Variants in CNTN5 observed in about 807,000 individuals in gnomAD.
CNTN5 encodes contactin-5.
CNTN5 carries 77 observed loss-of-function variants against 129.1 expected under a neutral mutation model. The observed-to-expected ratio is 0.60, with a 90% CI of 0.50 to 0.72. The LOEUF (loss-of-function observed/expected upper bound fraction) is 0.72. Among genes scored for constraint, CNTN5 ranks in the 30% least tolerant of loss-of-function variants. The pLI is 0.00. For missense variants in CNTN5, 1,478 were observed against 1,328.8 expected (o/e 1.11, Z -1.75); for synonymous variants, 509 against 465.6 (o/e 1.09, Z -1.20).
At chr11:100,045,238 C>T (rs1942606082) in intron 9 of CNTN5, among the ~76,000 whole-genome samples, 2 of 151,906 alleles carry the variant, frequency 1.3e-5, no homozygotes, top group South Asian at 4.1e-4. Context: ...AGGCAGAAGC[C>T]AGGAAGTCAA....
intron 8 of CNTN5, among the ~76,000 whole-genome samples, chr11:99,981,077 G>GATATGTATATATATAT (rs1938302984): frequency 1.7e-5 from 1 of 57,592 alleles, no homozygotes. Context: ...GAGCCAATAG[G>GATATGTATATATATAT]ATATATATAT....
intron 13 of CNTN5, among the ~76,000 whole-genome samples, chr11:100,083,114 G>A (rs781273794): frequency 6.6e-6 from 1 of 151,966 alleles, no homozygotes; most frequent in Non-Finnish European, 1.5e-5. Context: ...TCAGGAGTTC[G>A]AGACCAGCCT....
chr11:100,293,093 A>G (rs925600368), intron 18 of CNTN5, among the ~76,000 whole-genome samples: 25 of 151,836 alleles, frequency 1.6e-4, no homozygotes, highest in African/African-American at 5.3e-4. Context: ...GGCTTTGTAT[A>G]TATTTCTTCT....
intron 1 of CNTN5, among the ~76,000 whole-genome samples, chr11:99,298,654 T>C (rs1364386873): frequency 6.6e-6 from 1 of 152,190 alleles, no homozygotes; most frequent in Non-Finnish European, 1.5e-5. Flanking sequence ...TCCAGTTTTC[T>C]GGCAGAGCAG....
chr11:99,342,839 A>G (rs1300628388), intron 2 of CNTN5, among the ~76,000 whole-genome samples: 1 of 152,148 alleles, frequency 6.6e-6, no homozygotes, highest in Non-Finnish European at 1.5e-5. Context: ...GATACAATTA[A>G]TTAGAACCAG....
At chr11:99,651,605 C>G (rs1208422473) in intron 3 of CNTN5, among the ~76,000 whole-genome samples, 1 of 151,872 alleles carries the variant, frequency 6.6e-6, no homozygotes, top group Admixed American at 6.6e-5. Context: ...TTTATCAAAT[C>G]TGTGTTTCAT....
chr11:99,569,637 T>C (rs1240243999), intron 3 of CNTN5, among the ~76,000 whole-genome samples: 2 of 152,164 alleles, frequency 1.3e-5, no homozygotes, highest in Non-Finnish European at 2.9e-5. Context: ...AATCCTTCTA[T>C]TGTGTGGCTT....
chr11:99,209,322 C>T (rs571083740), intron 1 of CNTN5, among the ~76,000 whole-genome samples: 1 of 152,176 alleles, frequency 6.6e-6, no homozygotes, highest in South Asian at 2.1e-4. Context: ...TCAGGCTGTA[C>T]AGGAAGCTTG....
chr11:99,782,758 GA>G (rs1454634543), intron 3 of CNTN5, among the ~76,000 whole-genome samples: 1 of 151,964 alleles, frequency 6.6e-6, no homozygotes, highest in Non-Finnish European at 1.5e-5. Flanking sequence ...ATGGACATGG[GA>G]AAACTGGCTA....
chr11:99,515,156 C>T (rs1442986960), intron 2 of CNTN5, among the ~76,000 whole-genome samples: 2 of 152,004 alleles, frequency 1.3e-5, no homozygotes, highest in African/African-American at 2.4e-5. Flanking sequence ...TATATTTATA[C>T]ATATTTGTTG....
chr11:99,668,510 A>G (rs1010668851), intron 3 of CNTN5, among the ~76,000 whole-genome samples: 5 of 152,192 alleles, frequency 3.3e-5, no homozygotes. Context: ...GGGTGGTACT[A>G]AAACCAGGAA....
intron 6 of CNTN5, among the ~76,000 whole-genome samples, chr11:99,865,969 T>A (rs893848481): frequency 2.6e-5 from 4 of 152,180 alleles, no homozygotes; most frequent in East Asian, 1.9e-4. Context: ...TTATATTTTT[T>A]AAAAAATTCA....
intron 21 of CNTN5, among the ~76,000 whole-genome samples, chr11:100,327,819 A>G (rs1472141267): frequency 7.9e-5 from 12 of 152,232 alleles, no homozygotes; most frequent in Admixed American, 7.9e-4. Context: ...CATTAAAAAT[A>G]AAACTGATTA....
chr11:100,077,223 A>AAGTTTGTG (rs1234195563), intron 13 of CNTN5, among the ~76,000 whole-genome samples: 1 of 152,190 alleles, frequency 6.6e-6, no homozygotes, highest in African/African-American at 2.4e-5. Context: ...AGACTTCAAA[A>AAGTTTGTG]AGTTTGTGTC....
intron 2 of CNTN5, among the ~76,000 whole-genome samples, chr11:99,493,693 A>G (rs1946120662): frequency 6.6e-6 from 1 of 152,226 alleles, no homozygotes. Context: ...AGGGATAGAC[A>G]TTAGCAGAGG....
rs1436069165 is a variant in CNTN5, at chr11:99,473,443, G to A, written c.-70-82702G>A. On this transcript the variant is annotated intron_variant, in intron 2 of 24. Coordinates refer to ENST00000524871, the MANE Select transcript of CNTN5 (RefSeq NM_014361.4). Reference sequence around the variant, plus strand: ...TAATTTATAACCCTTTGAGATCAGAGTTTGCAAATTTTGGCTTTCTCATAT... The same window carrying A: ...TAATTTATAACCCTTTGAGATCAGAATTTGCAAATTTTGGCTTTCTCATAT... Among the ~76,000 whole-genome samples the A allele has an allele frequency of 3.3e-5, 5 of 152,056 alleles. No homozygotes were observed. The East Asian group carries it at 7.7e-4, about 23-fold the overall frequency.
chr11:99,874,067 G>A (rs764976804), intron 6 of CNTN5, among the ~76,000 whole-genome samples: 15 of 152,072 alleles, frequency 9.9e-5, no homozygotes, highest in Non-Finnish European at 2.2e-4. Context: ...CTGAAAGAGG[G>A]AGGAAGGAAT....
chr11:99,928,853 C>T (rs990713403), intron 7 of CNTN5, among the ~76,000 whole-genome samples: 2 of 152,160 alleles, frequency 1.3e-5, no homozygotes, highest in Admixed American at 1.3e-4. Flanking sequence ...GTTTTTGTTT[C>T]ACATTATCAG....
At chr11:99,216,347 G>A (rs1354197137) in intron 1 of CNTN5, among the ~76,000 whole-genome samples, 1 of 151,960 alleles carries the variant, frequency 6.6e-6, no homozygotes, top group Non-Finnish European at 1.5e-5. Context: ...TTTTAGGGTA[G>A]AATAACATTT....
Sources: allele counts gnomAD v4.1 joint callset (sites outside exome capture counted in the v4.1 genomes callset), GRCh38; gene constraint gnomAD v4.1.1; transcripts MANE v1.5; gene names NCBI Gene and HGNC (gene_info 2026-07-23, HGNC 2026-07-21).